The following FXR2 variants were observed in gnomAD, a reference collection of about 807,000 sequenced individuals.
FXR2 encodes the protein FMR1 autosomal homolog 2.
A neutral mutation model predicts 87.3 loss-of-function variants in FXR2; 9 were observed. The ratio of observed to expected loss-of-function variants is 0.10; its 90% CI spans 0.06 to 0.18. The LOEUF is 0.18. FXR2 is among the 10% of genes least tolerant of loss of function. The probability of loss-of-function intolerance (pLI) is 1.00; values close to 1 mark genes in which losing one functional copy is unlikely to be tolerated. For synonymous variants in FXR2, 331 were observed against 328.3 expected (o/e 1.01, Z -0.09); for missense variants, 661 against 893.6 (o/e 0.74, Z 3.32).
At chr17:7,600,820 G>A (rs2071748910) in intron 7 of FXR2, among the ~76,000 whole-genome samples, 1 of 152,046 alleles carries the variant, frequency 6.6e-6, no homozygotes, top group Non-Finnish European at 1.5e-5. Flanking sequence ...GAAGGTGGAT[G>A]TTGCAGTCAG....
At chr17:7,608,477 C>A (rs1026822832) in intron 1 of FXR2, among the ~76,000 whole-genome samples, 2 of 150,400 alleles carry the variant, frequency 1.3e-5, no homozygotes, top group African/African-American at 4.9e-5. Context: ...ATTAGCCAGG[C>A]GTGGTGGCAC....
intron 1 of FXR2, among the ~76,000 whole-genome samples, chr17:7,612,955 C>T (rs529320944): frequency 3.6e-5 from 5 of 137,614 alleles, no homozygotes; most frequent in Non-Finnish European, 7.6e-5. Flanking sequence ...AAGATCGCAC[C>T]ACTGCACTCC....
Position 7,593,812 on chromosome 17 carries a change from G to T in FXR2, c.1107+106C>A. The T allele has an allele frequency of 1.1e-6, 1 of 872,530 alleles. No homozygotes were observed. The highest frequency in any genetic ancestry group is 1.9e-6 in the Non-Finnish European group (1 of 531,192). The allele number at this position is 872,530 out of a possible 1,614,324, so 54.0% of individuals were successfully genotyped here. On this transcript the variant is annotated intron_variant, in intron 11 of 16. Transcript: ENST00000250113. The surrounding 1 kb of genome is among the most constrained non-coding windows in gnomAD (Gnocchi z 6.1). ...CCCCAAATTTCCACAGATGTTTTCTGTTCTACACGGAGAGACAAACAGAGA... is the reference window on the plus strand; with the variant it reads ...CCCCAAATTTCCACAGATGTTTTCTTTTCTACACGGAGAGACAAACAGAGA...
chr17:7,594,869 A>G lies in FXR2; in HGVS notation c.832-112T>C, dbSNP rs1284702150. On this transcript the variant is annotated intron_variant, in intron 8 of 16. Transcript: ENST00000250113. This position sits in a 1 kb window ranked among gnomAD's most constrained non-coding sequence, Gnocchi z 5.1. ...AGGCTGGAGGCAGGTGGATAAATTGAGCTCAAGAGTTCAAGACTAGCCTGG... is the reference window on the plus strand; with the variant it reads ...AGGCTGGAGGCAGGTGGATAAATTGGGCTCAAGAGTTCAAGACTAGCCTGG... 4.1e-6 allele frequency: 3 copies of G among 735,924 alleles called. No homozygotes were observed. The highest frequency in any genetic ancestry group is 7.4e-6 in the Non-Finnish European group (3 of 404,090). The allele number at this position is 735,924 out of a possible 1,614,324, so 45.6% of individuals were successfully genotyped here.
chr17:7,597,487 T>TA (rs901400087), intron 7 of FXR2, among the ~76,000 whole-genome samples: 15 of 151,954 alleles, frequency 9.9e-5, no homozygotes, highest in African/African-American at 3.1e-4. Flanking sequence ...GGTTTTCTTT[T>TA]TTTTTTTTCT....
intron 1 of FXR2, among the ~76,000 whole-genome samples, chr17:7,609,927 T>TACATATATATAC (rs2071837049): frequency 8.2e-6 from 1 of 122,648 alleles, no homozygotes; most frequent in South Asian, 2.3e-4. Flanking sequence ...TATACATGTA[T>TACATATATATAC]ATGTATATAT....
Position 7,591,694 on chromosome 17 carries a change from G to T in FXR2, c.*136C>A. Reference sequence around the variant, plus strand: ...CCCCTCCACTAGCTCCTGGAGGTTGGGGGGTACCCAAGCTGCTGTGCCACC... The same window carrying T: ...CCCCTCCACTAGCTCCTGGAGGTTGTGGGGTACCCAAGCTGCTGTGCCACC... On this transcript the variant is annotated 3_prime_UTR_variant, in exon 17 of 17. Transcript: ENST00000250113. The surrounding 1 kb of genome is among the most constrained non-coding windows in gnomAD (Gnocchi z 4.0). The T allele has an allele frequency of 1.4e-6, 1 of 698,962 alleles. No homozygotes were observed. The highest frequency in any genetic ancestry group is 2.0e-5 in the Admixed American group (1 of 48,832). The allele number at this position is 698,962 out of a possible 1,614,324, so 43.3% of individuals were successfully genotyped here.
chr17:7,610,943 C>T lies in FXR2; in HGVS notation c.81+3509G>A, dbSNP rs530715901. Among the ~76,000 whole-genome samples, 4 of 152,270 alleles carry T rather than the reference C, an allele frequency of 2.6e-5. No homozygotes were observed. The South Asian group carries it at 8.3e-4, about 32-fold the overall frequency. ...ATATAAAATTGGTCCCCACCTTCAC[C>T]GTCTTCTAGTTCTAGACTCCCAAAG... On this transcript the variant is annotated intron_variant, in intron 1 of 16. Coordinates refer to ENST00000250113, the MANE Select transcript of FXR2 (RefSeq NM_004860.4).
At position 7,612,983 on chromosome 17, in the gene FXR2, C is replaced by T. The variant is rs998640554; in HGVS notation, c.81+1469G>A. 3.8e-4 allele frequency among the ~76,000 whole-genome samples: 39 copies of T among 102,016 alleles called. No homozygotes were observed. In the Middle Eastern group the frequency reaches 0.043, roughly 113 times the overall value. The allele number at this position is 102,016 out of a possible 152,430, so 66.9% of individuals were successfully genotyped here. A position where few individuals can be genotyped will look rare whatever the true frequency, so the allele number is the denominator to read the frequency against. On this transcript the variant is annotated intron_variant, in intron 1 of 16. Transcript: ENST00000250113. ...TGCACTCCAAGCCTGGGCAACAGGG[C>T]GAGACTCCATCTCAAAAAAAAAAAA... is the stretch of plus-strand genomic sequence containing the variant.
At chr17:7,598,932 G>A (rs766941936) in intron 7 of FXR2, among the ~76,000 whole-genome samples, 1 of 152,074 alleles carries the variant, frequency 6.6e-6, no homozygotes, top group Non-Finnish European at 1.5e-5. Flanking sequence ...GATCACCTGC[G>A]GTCGGGAGTT....
chr17:7,593,649 A>AG lies in FXR2; in HGVS notation c.1108-25dup. Reference sequence around the variant, plus strand: ...TCCTGGTTGGGTAAAAGATGGAAGAAGGGGAAGGAGAAATAAGATCAGTGC... The same window carrying AG: ...TCCTGGTTGGGTAAAAGATGGAAGAAGGGGGAAGGAGAAATAAGATCAGTGC... On this transcript the variant is annotated intron_variant, in intron 11 of 16. Coordinates refer to ENST00000250113, the MANE Select transcript of FXR2 (RefSeq NM_004860.4). This position sits in a 1 kb window ranked among gnomAD's most constrained non-coding sequence, Gnocchi z 6.1. The AG allele has an allele frequency of 2.0e-6, 3 of 1,483,930 alleles. No homozygotes were observed. The East Asian group carries it at 7.2e-5, about 36-fold the overall frequency. 91.9% of individuals were successfully genotyped at this position (1,483,930 alleles called of 1,614,324 possible).
At position 7,594,313 on chromosome 17, in the gene FXR2, C is replaced by T; in HGVS notation, c.945G>A (p.Gln315=). 6.2e-7 allele frequency: 1 copy of T among 1,612,944 alleles called. No homozygotes were observed. The highest frequency in any genetic ancestry group is 8.5e-7 in the Non-Finnish European group (1 of 1,178,930). Residue 315 remains glutamine, a synonymous_variant, in exon 10 of 17, where the codon CAG becomes CAA. Transcript: ENST00000250113. This position sits in a 1 kb window ranked among gnomAD's most constrained non-coding sequence, Gnocchi z 5.1. ...CCACACCAGATTTATCCACAATCTCCTGGATCACTTTCCCGTTCTTTCCAA... is the reference window on the plus strand; with the variant it reads ...CCACACCAGATTTATCCACAATCTCTTGGATCACTTTCCCGTTCTTTCCAA... ...KVIGKNGKVI[Q]EIVDKSGVVR...
intron 3 of FXR2, among the ~76,000 whole-genome samples, chr17:7,604,600 G>A (rs1422942849): frequency 1.3e-5 from 2 of 151,794 alleles, no homozygotes; most frequent in Non-Finnish European, 2.9e-5. Context: ...GCTGAGGCAG[G>A]AGAATCACTT....
chr17:7,601,617 CGGGAAAA>C (rs1429425097), intron 6 of FXR2, 92 bp from the exon 7 acceptor site: 8 of 789,998 alleles, frequency 1.0e-5, no homozygotes, highest in Non-Finnish European at 1.1e-5. Context: ...GCCTAAGTCC[CGGGAAAA>C]GGGTTAAGAA....
intron 1 of FXR2, among the ~76,000 whole-genome samples, chr17:7,608,434 A>C (rs2071821697): frequency 6.7e-6 from 1 of 148,404 alleles, no homozygotes; most frequent in Non-Finnish European, 1.5e-5. Flanking sequence ...GCTACTAAAA[A>C]AAAAAAAAAA....
chr17:7,591,945 GA>G lies in FXR2; in HGVS notation c.1927-21del. On this transcript the variant is annotated intron_variant, in intron 16 of 16. Transcript: ENST00000250113. The surrounding 1 kb of genome is among the most constrained non-coding windows in gnomAD (Gnocchi z 4.0). ...GTCACCCTGAGGGGAAAGTGGGAAA[GA>G]AAACAGAAAAGCAAGAAGCGGTGAG... is the stretch of plus-strand genomic sequence containing the variant. 1.4e-6 allele frequency: 2 copies of G among 1,450,722 alleles called. No individual in the cohort carries two copies. The highest frequency in any genetic ancestry group is 9.6e-7 in the Non-Finnish European group (1 of 1,036,396). The allele number at this position is 1,450,722 out of a possible 1,614,324, so 89.9% of individuals were successfully genotyped here.
rs199929445 is a variant in FXR2 at position 7,591,861 on chromosome 17, T to G, written c.1991A>C (p.Glu664Ala). The change falls in exon 17 of 17, where the codon GAG (glutamate) becomes GCG (alanine). Residue 664 changes from glutamate (E) to alanine (A), a missense_variant. Physicochemically the swap from Glu to Ala is moderately radical, Grantham distance 107 (BLOSUM62 -1). This residue lies in a region of FXR2 where 409 missense variants were observed against 432.0 expected (regional missense o/e 0.95). Transcript: ENST00000250113. This position sits in a 1 kb window ranked among gnomAD's most constrained non-coding sequence, Gnocchi z 4.0. ...AACCCCATTCACCATACTACCCAAC[T>G]CCAAGGGGGCGGAGAGCTCCCCATT... Reference protein sequence around the residue: ...SENGELSAPLELGSMVNGVS With the variant: ...SENGELSAPLALGSMVNGVS The G allele has an allele frequency of 5.2e-5, 83 of 1,601,668 alleles. No individual in the cohort carries two copies. In the Admixed American group the frequency reaches 6.2e-4, roughly 12 times the overall value.
intron 1 of FXR2, among the ~76,000 whole-genome samples, chr17:7,611,419 G>A (rs889360776): frequency 1.3e-5 from 2 of 152,342 alleles, no homozygotes; most frequent in Admixed American, 6.5e-5. Flanking sequence ...TGTAATCCCA[G>A]CACCTTGGGA....
At chr17:7,609,947 T>C (rs536055122) in intron 1 of FXR2, among the ~76,000 whole-genome samples, 1 of 125,232 alleles carries the variant, frequency 8.0e-6, no homozygotes, top group South Asian at 2.6e-4. Flanking sequence ...TATACATGTA[T>C]ATGTATACAT....
Sources: allele counts gnomAD v4.1 joint callset (sites outside exome capture counted in the v4.1 genomes callset), GRCh38; gene constraint gnomAD v4.1.1; regional missense constraint gnomAD v4.1.1; non-coding constraint Gnocchi (gnomAD v3.1); transcripts MANE v1.5; gene names NCBI Gene and HGNC (gene_info 2026-07-23, HGNC 2026-07-21).